TCHP: variants seen among roughly 807,000 people sequenced by gnomAD.
TCHP encodes the protein trichoplein keratin filament binding.
In TCHP, 81 loss-of-function variants were observed where a neutral mutation model predicts 88.7. The ratio of observed to expected loss-of-function variants is 0.91; its 90% CI spans 0.76 to 1.10. The LOEUF (loss-of-function observed/expected upper bound fraction) is 1.10. TCHP is among the 50% of genes least tolerant of loss of function. The pLI is 0.00. For synonymous variants in TCHP, 232 were observed against 232.5 expected, an observed-to-expected ratio of 1.00 and a Z score of 0.02; for missense variants, 641 against 632.1, an observed-to-expected ratio of 1.01 and a Z score of -0.15.
upstream of TCHP, among the ~76,000 whole-genome samples, chr12:109,895,821 C>T (rs538221161): frequency 2.0e-5 from 3 of 152,214 alleles, no homozygotes; most frequent in Non-Finnish European, 4.4e-5. Context: ...CCTAAAATCA[C>T]AAGTCCTGGA....
chr12:109,914,334 C>T, intron 10 of TCHP, 108 bp from the exon 11 acceptor site: 1 of 1,047,852 alleles, frequency 9.5e-7, no homozygotes, highest in Non-Finnish European at 1.4e-6. Flanking sequence ...GCCTGAGGCC[C>T]AAGGATGAGG....
intron 12 of TCHP, among the ~76,000 whole-genome samples, chr12:109,916,021 G>A (rs1010702220): frequency 6.6e-6 from 1 of 152,002 alleles, no homozygotes; most frequent in Admixed American, 6.6e-5. Context: ...CTTTGTTCCC[G>A]GACCTGTCTG....
At chr12:109,882,647 ATTTT>A in the TCHP span, among the ~76,000 whole-genome samples, 2 of 80,198 alleles carry the variant, frequency 2.5e-5, no homozygotes, top group Non-Finnish European at 4.5e-5. Context: ...AAGAGTTTGG[ATTTT>A]TTTTTTTTTT....
the TCHP span, chr12:109,887,964 G>A: frequency 6.6e-6 from 1 of 152,132 alleles, no homozygotes; most frequent in African/African-American, 2.4e-5. Flanking sequence ...TGTTAAGACA[G>A]GGTCTCACTA....
At chr12:109,897,516 C>T (rs1869590856), upstream of TCHP, among the ~76,000 whole-genome samples, 1 of 152,122 alleles carries the variant, frequency 6.6e-6, no homozygotes, top group Admixed American at 6.5e-5. Context: ...GTCTCCCTTA[C>T]CTTGCCCCAA....
chr12:109,882,137 G>A, the TCHP span, among the ~76,000 whole-genome samples: 298 of 152,296 alleles, frequency 2.0e-3, 4 homozygotes, highest in Admixed American at 9.3e-3. Flanking sequence ...GGCTGAGATC[G>A]GATGTAGGGG....
At chr12:109,883,497 G>A in the TCHP span, among the ~76,000 whole-genome samples, 43 of 152,020 alleles carry the variant, frequency 2.8e-4, no homozygotes, top group Non-Finnish European at 1.3e-4. Context: ...ATCTCCTACT[G>A]ATAGGATCCC....
intron 6 of TCHP, among the ~76,000 whole-genome samples, chr12:109,907,954 C>T (rs941563022): frequency 6.6e-6 from 1 of 152,192 alleles, no homozygotes; most frequent in Non-Finnish European, 1.5e-5. Flanking sequence ...GGTTAGCGGC[C>T]TGCTGTTGGA....
chr12:109,915,478 G>C lies in TCHP; in HGVS notation c.1396G>C (p.Glu466Gln), dbSNP rs771666419. The change falls in exon 12 of 13, where the codon GAG (glutamate) becomes CAG (glutamine). Residue 466 changes from glutamate (E) to glutamine (Q), a missense_variant. By Grantham distance (29) the Glu-to-Gln change is conservative. Transcript: ENST00000405876. The stretch of plus-strand genomic sequence containing the variant: ...GGAAGAGGAGGAGGCCCGGCGGGTC[G>C]AGCAGCTCTCAGATGCCCTGCTGCA... ...EEEEEEARRV[E>Q]QLSDALLQQE... 1 of 1,614,068 alleles carries C rather than the reference G, an allele frequency of 6.2e-7. No homozygotes were observed. The highest frequency in any genetic ancestry group is 8.5e-7 in the Non-Finnish European group (1 of 1,180,004).
chr12:109,882,647 AT>A, the TCHP span, among the ~76,000 whole-genome samples: 4,642 of 80,156 alleles, frequency 0.058, 68 homozygotes, highest in African/African-American at 0.12. Context: ...AAGAGTTTGG[AT>A]TTTTTTTTTT....
chr12:109,880,895 G>C, the TCHP span, among the ~76,000 whole-genome samples: 2 of 152,108 alleles, frequency 1.3e-5, no homozygotes, highest in African/African-American at 4.8e-5. This position sits in a 1 kb window ranked among gnomAD's most constrained non-coding sequence, Gnocchi z 5.1. Context: ...TTGTACCCCA[G>C]TAACCCCAAG....
At chr12:109,893,670 C>T in the TCHP span, among the ~76,000 whole-genome samples, 1 of 152,180 alleles carries the variant, frequency 6.6e-6, no homozygotes, top group African/African-American at 2.4e-5. Flanking sequence ...GACAGCCACT[C>T]TCTAGGAGAG....
chr12:109,904,461 C>G (rs971395758), intron 3 of TCHP, among the ~76,000 whole-genome samples: 1 of 152,178 alleles, frequency 6.6e-6, no homozygotes, highest in Non-Finnish European at 1.5e-5. Context: ...CTAATCTGTG[C>G]TTTTCAGCCT....
chr12:109,904,435 T>C (rs776982291), intron 3 of TCHP, among the ~76,000 whole-genome samples: 1 of 152,214 alleles, frequency 6.6e-6, no homozygotes, highest in Non-Finnish European at 1.5e-5. Flanking sequence ...AAAGTAGTTA[T>C]GTGAAACAGT....
intron 4 of TCHP, 91 bp from the exon 5 acceptor site, chr12:109,906,481 C>T: frequency 7.9e-7 from 1 of 1,260,776 alleles, no homozygotes; most frequent in Non-Finnish European, 1.1e-6. Flanking sequence ...GGCCACGTTC[C>T]CGCAGGTGGC....
At chr12:109,885,617 G>A in the TCHP span, among the ~76,000 whole-genome samples, 1 of 151,920 alleles carries the variant, frequency 6.6e-6, no homozygotes, top group Non-Finnish European at 1.5e-5. Context: ...CGTATAGCTG[G>A]ACTACAGGCG....
rs761730331 is a variant in TCHP, at chr12:109,913,090, G to A, written c.1134+18G>A. The A allele has an allele frequency of 2.2e-5, 35 of 1,612,842 alleles. No individual in the cohort carries two copies. The highest frequency in any genetic ancestry group is 1.3e-4 in the East Asian group (6 of 44,890). ...TGAGCGAGGTAATCCCAGCTGCGGC[G>A]ATGTGGACCGGCTGTTGGGTCTTGG... is the stretch of plus-strand genomic sequence containing the variant. On this transcript the variant is annotated intron_variant, in intron 10 of 12. Transcript: ENST00000405876.
In TCHP at chr12:109,903,195, A is replaced by G; in HGVS notation, c.169A>G (p.Lys57Glu). 3.7e-6 allele frequency: 6 copies of G among 1,612,616 alleles called. No individual in the cohort carries two copies. Among genetic ancestry groups the G allele is most frequent in the Non-Finnish European group, 5.1e-6 (6 of 1,178,932 alleles). ...CTCCAAACAGGCAGAATGGAGCTCT[A>G]AAACCTCCTACCAGCGGAGGTAATT... The part of the protein sequence containing the change: ...CSSKQAEWSS[K>E]TSYQRSMHAY... The change falls in exon 2 of 13, where the codon AAA (lysine) becomes GAA (glutamate). Residue 57 changes from lysine to glutamate, a missense_variant. Coordinates refer to ENST00000405876, the MANE Select transcript of TCHP (RefSeq NM_001143852.2). The surrounding 1 kb of genome is among the most constrained non-coding windows in gnomAD (Gnocchi z 4.6).
the TCHP span, among the ~76,000 whole-genome samples, chr12:109,891,536 G>C: frequency 6.6e-6 from 1 of 151,568 alleles, no homozygotes; most frequent in South Asian, 2.1e-4. Flanking sequence ...TGGGATTACA[G>C]GTGCGCAACA....
Sources: gnomAD v4.1 joint callset for allele counts (sites outside exome capture counted in the v4.1 genomes callset) on GRCh38, gnomAD v4.1.1 for gene constraint, Gnocchi (gnomAD v3.1) non-coding constraint, MANE v1.5 for transcripts, NCBI Gene and HGNC (gene_info 2026-07-23, HGNC 2026-07-21) for gene names.